SYT16: variants seen among roughly 807,000 people sequenced by gnomAD.
The protein encoded by SYT16 is synaptotagmin-16.
SYT16 carries 42 observed loss-of-function variants against 61.4 expected under a neutral mutation model. That is an observed-to-expected ratio of 0.68 (90% CI 0.53 to 0.89). SYT16 has a LOEUF of 0.89. Among genes scored for constraint, SYT16 ranks in the 40% least tolerant of loss-of-function variants. The pLI is 0.00. For synonymous variants in SYT16, 314 were observed against 302.3 expected (o/e 1.04, Z -0.40); for missense variants, 804 against 807.3 (o/e 1.00, Z 0.05).
chr14:62,035,587 G>A (rs1004414313), intron 3 of SYT16, among the ~76,000 whole-genome samples: 1 of 152,152 alleles, frequency 6.6e-6, no homozygotes, highest in African/African-American at 2.4e-5. Flanking sequence ...GATTAACAGG[G>A]TTTCACTGTT....
In SYT16 at chr14:62,100,796, G is replaced by T; in HGVS notation, c.*89G>T. The T allele has an allele frequency of 2.1e-6, 3 of 1,408,010 alleles. No homozygotes were observed. The highest frequency in any genetic ancestry group is 2.8e-6 in the Non-Finnish European group (3 of 1,055,016). 87.2% of individuals were successfully genotyped at this position (1,408,010 alleles called of 1,614,324 possible). On this transcript the variant is annotated 3_prime_UTR_variant, in exon 8 of 8. Transcript: ENST00000683842. ...CTAAGTGTCCTGGCAAGGGTTTCAG[G>T]GTTTCAAAAACAGATTCCACTAACC...
In SYT16 at chr14:62,075,775, G is replaced by A. The variant is rs528453320; in HGVS notation, c.993+384G>A. ...TTATTTACTTCATGGTTTCAATTAAGTGGAGTCTATTTTTATTTAGCCCAA... is the reference window on the plus strand; with the variant it reads ...TTATTTACTTCATGGTTTCAATTAAATGGAGTCTATTTTTATTTAGCCCAA... On this transcript the variant is annotated intron_variant, in intron 5 of 7. Transcript: ENST00000683842. Among the ~76,000 whole-genome samples, 183 of 152,218 alleles carry A rather than the reference G, an allele frequency of 1.2e-3. 1 individual carries two copies. Among genetic ancestry groups the A allele is most frequent in the African/African-American group, 3.9e-3 (164 of 41,536 alleles).
chr14:61,870,260 A>C (rs1413088925), intron 1 of SYT16, among the ~76,000 whole-genome samples: 1 of 152,120 alleles, frequency 6.6e-6, no homozygotes, highest in Admixed American at 6.5e-5. Flanking sequence ...TTTGCCAGCT[A>C]TTTTGTTCAT....
chr14:61,819,828 T>C (rs2045559229), intron 1 of SYT16, among the ~76,000 whole-genome samples: 1 of 152,136 alleles, frequency 6.6e-6, no homozygotes, highest in Admixed American at 6.5e-5. Context: ...GGGTAAGAGG[T>C]AAATTGTTTA....
chr14:61,872,344 A>G (rs1448815459), intron 1 of SYT16, among the ~76,000 whole-genome samples: 5 of 152,056 alleles, frequency 3.3e-5, no homozygotes, highest in Non-Finnish European at 7.4e-5. Context: ...TGGGATATCA[A>G]TCCTCTTAAA....
intron 3 of SYT16, among the ~76,000 whole-genome samples, chr14:62,013,928 C>T (rs574709563): frequency 1.3e-5 from 2 of 151,756 alleles, no homozygotes; most frequent in South Asian, 4.2e-4. Context: ...TGTGCCACTG[C>T]ACTCCAGCCT....
chr14:62,055,073 T>TA (rs2055488601), intron 3 of SYT16, among the ~76,000 whole-genome samples: 1 of 152,178 alleles, frequency 6.6e-6, no homozygotes, highest in Non-Finnish European at 1.5e-5. Context: ...ATTGGAGTGA[T>TA]AGAGAAATAT....
intron 2 of SYT16, among the ~76,000 whole-genome samples, chr14:61,987,117 G>T (rs2052349718): frequency 6.6e-6 from 1 of 152,126 alleles, no homozygotes; most frequent in African/African-American, 2.4e-5. Context: ...TATGGCGGGG[G>T]GAAAACATTC....
intron 7 of SYT16, among the ~76,000 whole-genome samples, chr14:62,088,097 A>G (rs911019461): frequency 3.3e-5 from 5 of 152,216 alleles, no homozygotes; most frequent in African/African-American, 9.6e-5. Flanking sequence ...CTGAGAATCT[A>G]GCAGTTACGT....
chr14:61,869,700 T>C (rs1028534822), intron 1 of SYT16, among the ~76,000 whole-genome samples: 1 of 152,212 alleles, frequency 6.6e-6, no homozygotes, highest in Non-Finnish European at 1.5e-5. Flanking sequence ...GGGAGATAGT[T>C]AGGTCAAGAG....
At chr14:61,960,542 A>G (rs1234384510) in intron 1 of SYT16, among the ~76,000 whole-genome samples, 1 of 152,122 alleles carries the variant, frequency 6.6e-6, no homozygotes, top group East Asian at 1.9e-4. Flanking sequence ...ATTTTCATAC[A>G]TTTATTTTGT....
chr14:61,910,906 TCA>T (rs2048911186), intron 1 of SYT16, among the ~76,000 whole-genome samples: 1 of 152,234 alleles, frequency 6.6e-6, no homozygotes, highest in South Asian at 2.1e-4. Context: ...CTGCAGGGTA[TCA>T]AATGACTTCC....
intron 1 of SYT16, among the ~76,000 whole-genome samples, chr14:61,847,793 T>C (rs1245915798): frequency 6.6e-6 from 1 of 152,188 alleles, no homozygotes; most frequent in Non-Finnish European, 1.5e-5. Context: ...ATAGCCTGTC[T>C]TCAAGCTGCC....
intron 2 of SYT16, among the ~76,000 whole-genome samples, chr14:61,989,546 G>C (rs1427352900): frequency 6.6e-6 from 1 of 152,158 alleles, no homozygotes; most frequent in Non-Finnish European, 1.5e-5. Context: ...CTGGGCAACA[G>C]AGCAAGACTC....
intron 3 of SYT16, among the ~76,000 whole-genome samples, chr14:62,042,651 C>T (rs1183142466): frequency 1.3e-5 from 2 of 152,202 alleles, no homozygotes; most frequent in Non-Finnish European, 2.9e-5. Context: ...TCTGAATCCT[C>T]ACATGCATGT....
intron 1 of SYT16, among the ~76,000 whole-genome samples, chr14:61,937,903 A>G (rs1474702714): frequency 6.6e-6 from 1 of 152,120 alleles, no homozygotes; most frequent in East Asian, 1.9e-4. Context: ...ACCCGCTTGT[A>G]CAAGTATAAG....
chr14:61,929,260 G>A (rs370941877), intron 1 of SYT16, among the ~76,000 whole-genome samples: 1 of 152,152 alleles, frequency 6.6e-6, no homozygotes. Context: ...AGGTTTGGCC[G>A]ACTAGAAAAA....
chr14:62,092,666 A>G (rs1484688046), intron 7 of SYT16, among the ~76,000 whole-genome samples: 1 of 151,922 alleles, frequency 6.6e-6, no homozygotes, highest in Non-Finnish European at 1.5e-5. Context: ...TATAAGAGGT[A>G]TTTAGAGTAG....
intron 3 of SYT16, among the ~76,000 whole-genome samples, chr14:62,053,245 G>T (rs149920645): frequency 3.7e-4 from 56 of 152,322 alleles, no homozygotes; most frequent in African/African-American, 1.3e-3. Flanking sequence ...AAATGAAAAA[G>T]ACGTTTTTTG....
Sources: gnomAD v4.1 joint callset for allele counts (sites outside exome capture counted in the v4.1 genomes callset) on GRCh38, gnomAD v4.1.1 for gene constraint, MANE v1.5 for transcripts, NCBI Gene and HGNC (gene_info 2026-07-23, HGNC 2026-07-21) for gene names.